Variants in SLC37A1 observed in about 807,000 individuals in gnomAD.
SLC37A1 encodes the protein glucose-6-phosphate exchanger SLC37A1.
In SLC37A1, 49 loss-of-function variants were observed where a neutral mutation model predicts 75.3. The ratio of observed to expected loss-of-function variants is 0.65; its 90% CI spans 0.52 to 0.83. The LOEUF is 0.83. Ranked by LOEUF, SLC37A1 falls within the 40% of genes least tolerant of loss-of-function variation. SLC37A1 has a pLI of 0.00. For missense variants in SLC37A1, 566 were observed against 695.0 expected (o/e 0.81, Z 2.09); for synonymous variants, 268 against 292.1 (o/e 0.92, Z 0.84).
At chr21:42,578,749 G>A (rs1233599424) in intron 18 of SLC37A1, among the ~76,000 whole-genome samples, 1 of 152,210 alleles carries the variant, frequency 6.6e-6, no homozygotes. Flanking sequence ...GTTCTCTCCA[G>A]CTTGAACTCA....
At chr21:42,529,602 CA>C (rs934785281) in intron 3 of SLC37A1, among the ~76,000 whole-genome samples, 76 of 152,194 alleles carry the variant, frequency 5.0e-4, no homozygotes, top group African/African-American at 1.8e-3. Flanking sequence ...ATGTAAAATA[CA>C]AAAAGTACAA....
rs2055454978 is a variant in SLC37A1, at chr21:42,547,963, G to A, written c.768+823G>A. On this transcript the variant is annotated intron_variant, in intron 9 of 19. Transcript: ENST00000352133. This position sits in a 1 kb window ranked among gnomAD's most constrained non-coding sequence, Gnocchi z 6.1. The stretch of plus-strand genomic sequence containing the variant: ...CAGCAACGTCACCCGGACACATAGG[G>A]TGGTCAGCTCTCTGGCCTCACCCTG... 6.6e-6 allele frequency among the ~76,000 whole-genome samples: 1 copy of A among 152,138 alleles called. No individual in the cohort carries two copies. Among genetic ancestry groups the A allele is most frequent in the Non-Finnish European group, 1.5e-5 (1 of 68,018 alleles).
intron 18 of SLC37A1, among the ~76,000 whole-genome samples, chr21:42,577,260 T>C (rs2056328022): frequency 6.6e-6 from 1 of 152,244 alleles, no homozygotes; most frequent in Non-Finnish European, 1.5e-5. Flanking sequence ...GTATTGACCA[T>C]ATAAAATAGG....
chr21:42,525,095 A>T (rs963160729), intron 2 of SLC37A1, among the ~76,000 whole-genome samples: 2 of 152,108 alleles, frequency 1.3e-5, no homozygotes, highest in African/African-American at 4.8e-5. Flanking sequence ...GAGCACGGGG[A>T]GGTTCCCGGA....
At chr21:42,505,111 A>T (rs2054372390) in intron 2 of SLC37A1, among the ~76,000 whole-genome samples, 1 of 152,194 alleles carries the variant, frequency 6.6e-6, no homozygotes, top group Admixed American at 6.5e-5. Context: ...TATTTGCCAC[A>T]CTGACCAGAA....
rs200586990 is a variant in SLC37A1 at position 42,518,545 on chromosome 21, C to G, written c.56+35C>G. The G allele has an allele frequency of 6.3e-5, 102 of 1,612,504 alleles. 1 individual carries two copies. The East Asian group carries it at 2.1e-3, about 33-fold the overall frequency. ...GGTGGGGCAGGCCCTTGGCATGGAGCTGTGTATAGGTGAGGGCTACTGTGC... is the reference window on the plus strand; with the variant it reads ...GGTGGGGCAGGCCCTTGGCATGGAGGTGTGTATAGGTGAGGGCTACTGTGC... On this transcript the variant is annotated intron_variant, in intron 2 of 19. Transcript: ENST00000352133.
chr21:42,548,902 A>G lies in SLC37A1; in HGVS notation c.768+1762A>G, dbSNP rs950783047. On this transcript the variant is annotated intron_variant, in intron 9 of 19. Coordinates refer to ENST00000352133, the MANE Select transcript of SLC37A1 (RefSeq NM_001320537.2). This position sits in a 1 kb window ranked among gnomAD's most constrained non-coding sequence, Gnocchi z 5.6. ...GCCAGAGTCCTTTTTCTGTCTTTTC[A>G]TACCTCGGGCTCCTGGGTGTGATTC... Among the ~76,000 whole-genome samples, 3 of 152,124 alleles carry G rather than the reference A, an allele frequency of 2.0e-5. No individual in the cohort carries two copies. Among genetic ancestry groups the G allele is most frequent in the African/African-American group, 4.8e-5 (2 of 41,410 alleles).
At chr21:42,508,886 C>A (rs1691406328), upstream of SLC37A1, among the ~76,000 whole-genome samples, 1 of 152,162 alleles carries the variant, frequency 6.6e-6, no homozygotes. Flanking sequence ...AAGAGAACCA[C>A]CCTTATAAAT....
chr21:42,543,772 C>A (rs1170085471), intron 8 of SLC37A1, among the ~76,000 whole-genome samples, 170 bp downstream of exon 8: 2 of 152,222 alleles, frequency 1.3e-5, no homozygotes, highest in African/African-American at 4.8e-5. Flanking sequence ...CCGGTTCTCT[C>A]CTGGTTTTGC....
intron 11 of SLC37A1, 94 bp from the exon 12 acceptor site, chr21:42,561,984 T>C (rs1158492291): frequency 1.0e-6 from 1 of 1,004,824 alleles, no homozygotes; most frequent in African/African-American, 1.6e-5. Context: ...AGGATGTCTT[T>C]ATGGGAGCGA....
At chr21:42,536,297 T>C (rs2055136124) in intron 5 of SLC37A1, among the ~76,000 whole-genome samples, 1 of 152,222 alleles carries the variant, frequency 6.6e-6, no homozygotes, top group Non-Finnish European at 1.5e-5. Context: ...TGTCATAGGA[T>C]TGGGGCAAAG....
intron 1 of SLC37A1, among the ~76,000 whole-genome samples, chr21:42,517,045 G>A (rs1293727939): frequency 6.6e-6 from 1 of 152,240 alleles, no homozygotes; most frequent in Non-Finnish European, 1.5e-5. Flanking sequence ...TCTGTGCTAG[G>A]TTCTGGACAA....
chr21:42,499,915 G>A (rs1387377492), intron 1 of SLC37A1, among the ~76,000 whole-genome samples: 1 of 152,270 alleles, frequency 6.6e-6, no homozygotes, highest in Non-Finnish European at 1.5e-5. Context: ...CTAGGCCGGG[G>A]AAACTGTTGA....
intron 17 of SLC37A1, among the ~76,000 whole-genome samples, chr21:42,574,162 T>A (rs1166965152): frequency 6.6e-6 from 1 of 152,250 alleles, no homozygotes; most frequent in Non-Finnish European, 1.5e-5. Context: ...AGGAGTTCCA[T>A]GACAGACCAC....
At chr21:42,534,884 G>T in intron 4 of SLC37A1, 54 bp downstream of exon 4, 3 of 1,585,460 alleles carry the variant, frequency 1.9e-6, no homozygotes, top group Non-Finnish European at 2.6e-6. Flanking sequence ...TTCCAGCCTT[G>T]CTATTAATCA....
chr21:42,565,927 C>T (rs780616506), intron 15 of SLC37A1, 52 bp downstream of exon 15: 11 of 1,550,276 alleles, frequency 7.1e-6, no homozygotes, highest in Admixed American at 3.4e-5. Flanking sequence ...TTAAAGTTCA[C>T]ACAGCTGGCA....
chr21:42,557,440 G>A (rs987210173), intron 10 of SLC37A1, among the ~76,000 whole-genome samples: 3 of 152,274 alleles, frequency 2.0e-5, no homozygotes, highest in African/African-American at 4.8e-5. Flanking sequence ...AACTCAAGTC[G>A]CCATTCTTTG....
chr21:42,553,685 A>G (rs78021928), intron 9 of SLC37A1, among the ~76,000 whole-genome samples: 2,955 of 151,380 alleles, frequency 0.02, 101 homozygotes, highest in African/African-American at 0.068. Context: ...TTTTTCCTTC[A>G]GAAGCATTCG....
Position 42,542,526 on chromosome 21 carries a change from C to A in SLC37A1, c.563+46C>A, listed in dbSNP as rs773900123. 3.2e-6 allele frequency: 5 copies of A among 1,584,008 alleles called. No homozygotes were observed. In the South Asian group the frequency reaches 5.6e-5, roughly 18 times the overall value. ...TTCCAATAGCAGATGAAAACTAGAC[C>A]ATTTTACTTTTAGTTTTTCTGTAGA... On this transcript the variant is annotated intron_variant, in intron 7 of 19. Coordinates refer to ENST00000352133, the MANE Select transcript of SLC37A1 (RefSeq NM_001320537.2).
Sources: allele counts gnomAD v4.1 joint callset (sites outside exome capture counted in the v4.1 genomes callset), GRCh38; gene constraint gnomAD v4.1.1; non-coding constraint Gnocchi (gnomAD v3.1); transcripts MANE v1.5; gene names NCBI Gene and HGNC (gene_info 2026-07-23, HGNC 2026-07-21).